C6orf58: variants seen among roughly 807,000 people sequenced by gnomAD.
The protein encoded by C6orf58 is protein LEG1 homolog.
In C6orf58, 30 loss-of-function variants were observed where a neutral mutation model predicts 37.0. That is an observed-to-expected ratio of 0.81 (90% confidence interval 0.61 to 1.10). The LOEUF (loss-of-function observed/expected upper bound fraction) is 1.10, where lower values mean the gene tolerates loss of function less well. Ranked by LOEUF, C6orf58 falls within the 50% of genes least tolerant of loss-of-function variation. C6orf58 has a pLI of 0.00. For missense variants in C6orf58, 368 were observed against 387.5 expected, an observed-to-expected ratio of 0.95 and a Z score of 0.42; for synonymous variants, 143 against 134.1, an observed-to-expected ratio of 1.07 and a Z score of -0.46.
chr6:127,581,374 T>G (rs1232747919), intron 4 of C6orf58, 92 bp downstream of exon 4: 2 of 444,780 alleles, frequency 4.5e-6, no homozygotes, highest in Non-Finnish European at 7.7e-6. Context: ...AGAGTGTTTT[T>G]CAATCTTTAT....
intron 4 of C6orf58, among the ~76,000 whole-genome samples, chr6:127,585,467 T>C (rs1159015936): frequency 6.6e-6 from 1 of 152,168 alleles, no homozygotes; most frequent in Non-Finnish European, 1.5e-5. Context: ...TACATAGTTA[T>C]AGAAAAACCT....
At chr6:127,582,768 C>T (rs903800819) in intron 4 of C6orf58, among the ~76,000 whole-genome samples, 1 of 151,496 alleles carries the variant, frequency 6.6e-6, no homozygotes, top group African/African-American at 2.4e-5. Context: ...GACCAATATC[C>T]AGTTTCCAAT....
chr6:127,588,933 A>G (rs1392381659), intron 4 of C6orf58, among the ~76,000 whole-genome samples: 1 of 152,186 alleles, frequency 6.6e-6, no homozygotes, highest in Non-Finnish European at 1.5e-5. Flanking sequence ...CACTTCTGTC[A>G]TCGACAATCC....
chr6:127,590,449 T>C, intron 5 of C6orf58, 124 bp downstream of exon 5: 1 of 655,660 alleles, frequency 1.5e-6, no homozygotes, highest in South Asian at 1.9e-5. Context: ...TCCCTGTGGG[T>C]ATCCATTCTA....
chr6:127,581,175 A>G lies in C6orf58; in HGVS notation c.574-7A>G, dbSNP rs942213611. 1 of 1,399,516 alleles carries G rather than the reference A, an allele frequency of 7.1e-7. No homozygotes were observed. The highest frequency in any genetic ancestry group is 1.5e-5 in the African/African-American group (1 of 68,768). 86.7% of individuals were successfully genotyped at this position (1,399,516 alleles called of 1,614,324 possible). A position where few individuals can be genotyped will look rare whatever the true frequency, so the allele number is the denominator to read the frequency against. On this transcript the variant is annotated splice_polypyrimidine_tract_variant and splice_region_variant and intron_variant, in intron 3 of 5. Transcript: ENST00000329722. ...AAATATTAATAAATTTGACCTCTTT[A>G]CCTTAGTATTTGCAGTCACCTTTTA...
chr6:127,580,944 C>T (rs1775043364), intron 3 of C6orf58, among the ~76,000 whole-genome samples: 1 of 151,966 alleles, frequency 6.6e-6, no homozygotes, highest in South Asian at 2.1e-4. Context: ...AAAATATAAA[C>T]TCTGAAAATA....
At chr6:127,589,580 T>C (rs1480267162) in intron 4 of C6orf58, among the ~76,000 whole-genome samples, 1 of 152,164 alleles carries the variant, frequency 6.6e-6, no homozygotes, top group Non-Finnish European at 1.5e-5. Flanking sequence ...TTACAGAGGC[T>C]TTTTTTCTAC....
Position 127,591,692 on chromosome 6 carries a change from T to G in C6orf58, c.*70T>G. Reference sequence around the variant, plus strand: ...TGAAAAACTCGAACTTGACAATCAGTAATTTCAAAAAATTAATGTCATCAT... The same window carrying G: ...TGAAAAACTCGAACTTGACAATCAGGAATTTCAAAAAATTAATGTCATCAT... On this transcript the variant is annotated 3_prime_UTR_variant, in exon 6 of 6. Coordinates refer to ENST00000329722, the MANE Select transcript of C6orf58 (RefSeq NM_001010905.3). The G allele has an allele frequency of 7.5e-7, 1 of 1,327,652 alleles. No individual in the cohort carries two copies. The highest frequency in any genetic ancestry group is 9.9e-7 in the Non-Finnish European group (1 of 1,011,724). 82.2% of individuals were successfully genotyped at this position (1,327,652 alleles called of 1,614,324 possible).
intron 4 of C6orf58, among the ~76,000 whole-genome samples, chr6:127,582,773 T>A (rs1775063819): frequency 6.6e-6 from 1 of 152,214 alleles, no homozygotes; most frequent in East Asian, 1.9e-4. Context: ...ATATCCAGTT[T>A]CCAATTAGTT....
At chr6:127,587,614 A>AT (rs556670663) in intron 4 of C6orf58, among the ~76,000 whole-genome samples, 7 of 152,220 alleles carry the variant, frequency 4.6e-5, no homozygotes, top group South Asian at 2.1e-4. Flanking sequence ...GTTCCTTGAA[A>AT]TGAAGTAATA....
chr6:127,579,285 T>C (rs1276610032), intron 2 of C6orf58, among the ~76,000 whole-genome samples: 1 of 152,184 alleles, frequency 6.6e-6, no homozygotes, highest in African/African-American at 2.4e-5. Flanking sequence ...AATTCTTTCA[T>C]TTAATTTTAT....
intron 4 of C6orf58, among the ~76,000 whole-genome samples, chr6:127,589,062 A>T (rs763793660): frequency 2.6e-5 from 4 of 152,246 alleles, no homozygotes; most frequent in Non-Finnish European, 5.9e-5. Context: ...CTCAACAAGC[A>T]TAATGCAAGT....
At chr6:127,586,099 G>A (rs1259192418) in intron 4 of C6orf58, among the ~76,000 whole-genome samples, 1 of 152,104 alleles carries the variant, frequency 6.6e-6, no homozygotes, top group East Asian at 1.9e-4. Context: ...ACAAGCAATT[G>A]TGAACTGTTG....
chr6:127,590,372 C>G, intron 5 of C6orf58, 47 bp downstream of exon 5: 1 of 1,115,846 alleles, frequency 9.0e-7, no homozygotes, highest in East Asian at 2.3e-5. Flanking sequence ...TTATGTTGAA[C>G]AAATAGAGGA....
At chr6:127,578,664 C>G in intron 1 of C6orf58, 22 bp from the exon 2 acceptor site, 1 of 1,566,086 alleles carries the variant, frequency 6.4e-7, no homozygotes, top group African/African-American at 1.4e-5. Flanking sequence ...ATAAATACGA[C>G]TGTGCATCCT....
At chr6:127,582,022 A>G (rs1246952367) in intron 4 of C6orf58, among the ~76,000 whole-genome samples, 1 of 152,162 alleles carries the variant, frequency 6.6e-6, no homozygotes, top group Non-Finnish European at 1.5e-5. Flanking sequence ...TAATTTAACA[A>G]TTCCCCACCT....
intron 4 of C6orf58, among the ~76,000 whole-genome samples, chr6:127,583,752 T>C (rs1234941179): frequency 6.6e-6 from 1 of 152,180 alleles, no homozygotes; most frequent in Non-Finnish European, 1.5e-5. Context: ...CTGGTTGTTA[T>C]CAGCTGGTGG....
intron 4 of C6orf58, among the ~76,000 whole-genome samples, chr6:127,586,402 A>G (rs1775106675): frequency 6.6e-6 from 1 of 151,992 alleles, no homozygotes; most frequent in Non-Finnish European, 1.5e-5. Context: ...CACAGTTTGA[A>G]CAACAGGCCA....
intron 4 of C6orf58, among the ~76,000 whole-genome samples, chr6:127,581,518 A>G (rs1279033848): frequency 6.6e-6 from 1 of 151,976 alleles, no homozygotes; most frequent in East Asian, 1.9e-4. Flanking sequence ...AAAAAACAAA[A>G]AAAAAAGCAA....
Sources: gnomAD v4.1 joint callset for allele counts (sites outside exome capture counted in the v4.1 genomes callset) on GRCh38, gnomAD v4.1.1 for gene constraint, MANE v1.5 for transcripts, NCBI Gene and HGNC (gene_info 2026-07-23, HGNC 2026-07-21) for gene names.